Variants in RAB5B observed in about 807,000 individuals in gnomAD.
The protein encoded by RAB5B is ras-related protein Rab-5B.
In RAB5B, 11 loss-of-function variants were observed where a neutral mutation model predicts 28.6. The ratio of observed to expected loss-of-function variants is 0.38; its 90% confidence interval spans 0.24 to 0.64. The LOEUF is 0.64. Among genes scored for constraint, RAB5B ranks in the 30% least tolerant of loss-of-function variants. The probability of loss-of-function intolerance (pLI) is 0.53; values close to 1 mark genes in which losing one functional copy is unlikely to be tolerated. For synonymous variants in RAB5B, 93 were observed against 97.9 expected (o/e 0.95, Z 0.29); for missense variants, 169 against 265.6 (o/e 0.64, Z 2.53).
At chr12:55,982,202 G>A (rs1223104291) in intron 1 of RAB5B, among the ~76,000 whole-genome samples, 6 of 148,940 alleles carry the variant, frequency 4.0e-5, no homozygotes, top group African/African-American at 1.2e-4. Context: ...TTTTTGTCTC[G>A]GGTTTGAAGG....
chr12:55,978,550 A>G (rs1001566467), intron 1 of RAB5B, among the ~76,000 whole-genome samples: 4 of 152,080 alleles, frequency 2.6e-5, no homozygotes, highest in African/African-American at 7.2e-5. Context: ...AGATCTGTCC[A>G]GATGGTACAG....
At position 55,986,929 on chromosome 12, in the gene RAB5B, C is replaced by T; in HGVS notation, c.-32C>T. 2.1e-6 allele frequency: 3 copies of T among 1,455,750 alleles called. No homozygotes were observed. The highest frequency in any genetic ancestry group is 2.9e-6 in the Non-Finnish European group (3 of 1,050,708). The allele number at this position is 1,455,750 out of a possible 1,614,324, so 90.2% of individuals were successfully genotyped here. On this transcript the variant is annotated 5_prime_UTR_variant, in exon 2 of 6. Transcript: ENST00000360299. ...CTCCCCCCTTTACAGTATCCCCCTC[C>T]CTCCACCCTTTCCCATTCTGATAAT... is the stretch of plus-strand genomic sequence containing the variant.
At chr12:55,990,129 G>C in intron 3 of RAB5B, 31 bp downstream of exon 3, 1 of 1,593,864 alleles carries the variant, frequency 6.3e-7, no homozygotes, top group Non-Finnish European at 8.6e-7. Flanking sequence ...GTCCTTGTTG[G>C]CTGGACATGG....
At chr12:55,987,352 G>T (rs1395230303) in intron 2 of RAB5B, among the ~76,000 whole-genome samples, 2 of 151,732 alleles carry the variant, frequency 1.3e-5, no homozygotes, top group Non-Finnish European at 2.9e-5. Context: ...GTGGAGAGGG[G>T]GTTTCACCAT....
At chr12:55,980,759 T>A in intron 1 of RAB5B, 3 of 1,578,976 alleles carry the variant, frequency 1.9e-6, no homozygotes, top group Non-Finnish European at 2.6e-6. Context: ...AGATTTCTCA[T>A]CCGTGATGTC....
At chr12:55,981,067 G>C in intron 1 of RAB5B, 1 of 1,581,342 alleles carries the variant, frequency 6.3e-7, no homozygotes, top group Non-Finnish European at 8.7e-7. Context: ...AAGGGATGGG[G>C]CTATTTATTT....
chr12:55,989,464 G>A (rs777576462), intron 2 of RAB5B, among the ~76,000 whole-genome samples: 8 of 151,654 alleles, frequency 5.3e-5, no homozygotes, highest in Non-Finnish European at 8.8e-5. Context: ...TAGTAGAGAC[G>A]GGTTTTGCCG....
At chr12:55,975,957 G>A (rs1030197695) in intron 1 of RAB5B, among the ~76,000 whole-genome samples, 1 of 151,456 alleles carries the variant, frequency 6.6e-6, no homozygotes, top group Non-Finnish European at 1.5e-5. Flanking sequence ...TTACCATGTT[G>A]GCCAGGATGG....
At chr12:55,987,313 G>A (rs754217889) in intron 2 of RAB5B, among the ~76,000 whole-genome samples, 190 bp downstream of exon 2, 14 of 151,828 alleles carry the variant, frequency 9.2e-5, no homozygotes, top group Middle Eastern at 3.4e-3. Context: ...GGTGCACACC[G>A]TGGCACCTGT....
intron 2 of RAB5B, among the ~76,000 whole-genome samples, chr12:55,988,869 G>A: frequency 6.8e-6 from 1 of 146,108 alleles, no homozygotes; most frequent in Non-Finnish European, 1.5e-5. Context: ...ATATGAAAAA[G>A]TAACAGCCAA....
chr12:55,996,003 A>ATTTTTTTTTTTTTTTTTTTT lies in RAB5B; in HGVS notation c.*3801_*3802insTTTTTTTTTTTTTTTTTTTT, dbSNP rs56291639. 1.4e-4 allele frequency: 14 copies of ATTTTTTTTTTTTTTTTTTTT among 97,382 alleles called. No homozygotes were observed. Among genetic ancestry groups the ATTTTTTTTTTTTTTTTTTTT allele is most frequent in the African/African-American group, 6.2e-4 (13 of 21,126 alleles). 6.0% of individuals were successfully genotyped at this position (97,382 alleles called of 1,614,324 possible). ...TATATACATATATATATATATATAT[A>ATTTTTTTTTTTTTTTTTTTT]TTTTTTTTTTAACAACTGGTAGGAT... On this transcript the variant is annotated 3_prime_UTR_variant, in exon 6 of 6. Coordinates refer to ENST00000360299, the MANE Select transcript of RAB5B (RefSeq NM_002868.4).
chr12:55,986,971 G>A lies in RAB5B; in HGVS notation c.11G>A (p.Arg4Lys). ...TCTGATAATCTGGCCATGACTAGCA[G>A]AAGCACAGCTAGGCCCAATGGGCAA... MTSRSTARPNGQPQ... is the reference protein window; with the variant it reads MTSKSTARPNGQPQ... Residue 4 changes from arginine to lysine, a missense_variant, in exon 2 of 6, where the codon AGA (arginine) becomes AAA (lysine). Around this residue, in one of 3 missense-constraint regions of RAB5B, gnomAD observed 43 missense variants for 85.8 expected, o/e 0.50. Coordinates refer to ENST00000360299, the MANE Select transcript of RAB5B (RefSeq NM_002868.4). The A allele has an allele frequency of 7.1e-7, 1 of 1,409,832 alleles. No individual in the cohort carries two copies. The highest frequency in any genetic ancestry group is 9.4e-7 in the Non-Finnish European group (1 of 1,060,790). 87.3% of individuals were successfully genotyped at this position (1,409,832 alleles called of 1,614,324 possible).
chr12:55,990,357 G>A (rs1349683679), intron 3 of RAB5B: 8 of 469,840 alleles, frequency 1.7e-5, no homozygotes, highest in South Asian at 4.6e-5. Context: ...GCAGTGAGCC[G>A]AGATCGAGCC....
chr12:55,981,035 G>A, intron 1 of RAB5B: 1 of 1,613,250 alleles, frequency 6.2e-7, no homozygotes, highest in Non-Finnish European at 8.5e-7. Context: ...TTTGGCCATG[G>A]CGGACACCGG....
In RAB5B at chr12:55,995,972, C is replaced by CCT. The variant is rs1555197251; in HGVS notation, c.*3760_*3761insCT. 9.2e-6 allele frequency: 1 copy of CCT among 108,916 alleles called. No homozygotes were observed. The highest frequency in any genetic ancestry group is 1.8e-5 in the Non-Finnish European group (1 of 54,224). 6.7% of individuals were successfully genotyped at this position (108,916 alleles called of 1,614,324 possible). ...CTCTCTCTCTCACTCTCTCTCTCTC[C>CCT]ATATATATATACATATATATATATA... On this transcript the variant is annotated 3_prime_UTR_variant, in exon 6 of 6. Transcript: ENST00000360299.
intron 1 of RAB5B, among the ~76,000 whole-genome samples, chr12:55,986,045 G>T (rs1053737786): frequency 2.0e-5 from 3 of 152,128 alleles, no homozygotes; most frequent in African/African-American, 2.4e-5. Flanking sequence ...CAGGGAGACC[G>T]GTCATATATA....
intron 1 of RAB5B, chr12:55,980,676 C>T (rs887915524): frequency 3.8e-6 from 6 of 1,592,184 alleles, no homozygotes; most frequent in Non-Finnish European, 5.2e-6. Context: ...CATTTGTTCC[C>T]TAGCAAGAGG....
At chr12:55,976,910 C>T (rs1257055314) in intron 1 of RAB5B, among the ~76,000 whole-genome samples, 1 of 152,152 alleles carries the variant, frequency 6.6e-6, no homozygotes, top group Non-Finnish European at 1.5e-5. Context: ...CATTGGAAAC[C>T]TCGGTTTTTT....
rs1475573260 is a variant in RAB5B, at chr12:55,993,411, T to C, written c.*1199T>C. Reference sequence around the variant, plus strand: ...TGCCAAGCTAACTATTGACTATAGGTTTGCCTTTCCTGGAGAATTAATTGA... The same window carrying C: ...TGCCAAGCTAACTATTGACTATAGGCTTGCCTTTCCTGGAGAATTAATTGA... On this transcript the variant is annotated 3_prime_UTR_variant, in exon 6 of 6. Transcript: ENST00000360299. The C allele has an allele frequency of 3.9e-5, 6 of 152,604 alleles. 1 individual carries two copies. The highest frequency in any genetic ancestry group is 3.9e-4 in the Admixed American group (6 of 15,268). 9.5% of individuals were successfully genotyped at this position (152,604 alleles called of 1,614,324 possible). A position where few individuals can be genotyped will look rare whatever the true frequency, so the allele number is the denominator to read the frequency against.
Sources: gnomAD v4.1 joint callset for allele counts (sites outside exome capture counted in the v4.1 genomes callset) on GRCh38, gnomAD v4.1.1 for gene constraint, gnomAD v4.1.1 regional missense constraint, MANE v1.5 for transcripts, NCBI Gene and HGNC (gene_info 2026-07-23, HGNC 2026-07-21) for gene names.